The following LOC128092253 variants were observed in gnomAD, a reference collection of about 807,000 sequenced individuals.
the LOC128092253 span, among the ~76,000 whole-genome samples, chr6:133,960,545 A>G: frequency 6.6e-6 from 1 of 151,918 alleles, no homozygotes; most frequent in Non-Finnish European, 1.5e-5. Context: ...TTGTCTGTAC[A>G]TTTAGAATGC....
At chr6:133,963,973 G>A in the LOC128092253 span, among the ~76,000 whole-genome samples, 9 of 152,178 alleles carry the variant, frequency 5.9e-5, no homozygotes, top group African/African-American at 1.9e-4. Context: ...CCTGGGAGGC[G>A]GAGGTTGCAA....
chr6:133,954,797 G>A, the LOC128092253 span, among the ~76,000 whole-genome samples: 2 of 151,948 alleles, frequency 1.3e-5, no homozygotes, highest in African/African-American at 4.8e-5. Context: ...TCCTCTTTAC[G>A]TACCCTCTGC....
chr6:133,957,225 G>A, the LOC128092253 span, among the ~76,000 whole-genome samples: 5 of 152,160 alleles, frequency 3.3e-5, no homozygotes, highest in Non-Finnish European at 7.3e-5. Context: ...CTTTGTGTGG[G>A]AGTCAATAAT....
chr6:133,979,722 C>T, the LOC128092253 span, among the ~76,000 whole-genome samples: 1 of 152,170 alleles, frequency 6.6e-6, no homozygotes, highest in East Asian at 1.9e-4. Flanking sequence ...TCTCGGCTCA[C>T]TGCAACCTCC....
At chr6:133,961,867 A>G in the LOC128092253 span, among the ~76,000 whole-genome samples, 1 of 152,138 alleles carries the variant, frequency 6.6e-6, no homozygotes, top group East Asian at 1.9e-4. Flanking sequence ...CATAGATCAC[A>G]TTCTCTTGAT....
At chr6:133,969,613 T>C in the LOC128092253 span, among the ~76,000 whole-genome samples, 3 of 152,218 alleles carry the variant, frequency 2.0e-5, no homozygotes, top group East Asian at 5.8e-4. Flanking sequence ...TTCAAGGTTT[T>C]TTATGGCCAG....
the LOC128092253 span, among the ~76,000 whole-genome samples, chr6:133,958,233 A>G: frequency 6.6e-6 from 1 of 152,220 alleles, no homozygotes; most frequent in Non-Finnish European, 1.5e-5. Flanking sequence ...AATAAAAGGA[A>G]TAAACCCCAA....
the LOC128092253 span, among the ~76,000 whole-genome samples, chr6:133,975,887 A>G: frequency 1.3e-5 from 2 of 152,170 alleles, no homozygotes; most frequent in Non-Finnish European, 2.9e-5. Context: ...GTAGATGTTC[A>G]TTGTGTTCTT....
chr6:133,974,303 G>A, the LOC128092253 span, among the ~76,000 whole-genome samples: 1 of 151,972 alleles, frequency 6.6e-6, no homozygotes, highest in South Asian at 2.1e-4. Flanking sequence ...AAATAAAATT[G>A]CCATATATCA....
chr6:133,969,521 A>AC, the LOC128092253 span, among the ~76,000 whole-genome samples: 108 of 152,288 alleles, frequency 7.1e-4, no homozygotes, highest in African/African-American at 2.4e-3. Context: ...TGCTTTTTGT[A>AC]CATCAAATAC....
chr6:133,974,840 A>G, the LOC128092253 span, among the ~76,000 whole-genome samples: 2 of 152,182 alleles, frequency 1.3e-5, no homozygotes, highest in African/African-American at 4.8e-5. Flanking sequence ...CATTTCCTCA[A>G]TTACTAGTAA....
At chr6:133,970,536 T>C in the LOC128092253 span, among the ~76,000 whole-genome samples, 2 of 152,136 alleles carry the variant, frequency 1.3e-5, no homozygotes, top group Non-Finnish European at 2.9e-5. Flanking sequence ...ATGGAAACTT[T>C]TAGGCAGAAA....
chr6:133,973,662 G>A, the LOC128092253 span, among the ~76,000 whole-genome samples: 576 of 152,308 alleles, frequency 3.8e-3, 2 homozygotes, highest in African/African-American at 0.013. Flanking sequence ...CAAAAATACA[G>A]ATGATGTGTT....
the LOC128092253 span, among the ~76,000 whole-genome samples, chr6:133,975,111 A>C: frequency 6.6e-6 from 1 of 152,170 alleles, no homozygotes; most frequent in African/African-American, 2.4e-5. Flanking sequence ...TGGGCAAAAA[A>C]TTCACTAGAG....
chr6:133,980,053 T>G, the LOC128092253 span: 1 of 1,371,574 alleles, frequency 7.3e-7, no homozygotes, highest in Admixed American at 2.9e-5. Flanking sequence ...CATTTAAGTT[T>G]AATGACTTTA....
At chr6:133,968,570 G>C in the LOC128092253 span, among the ~76,000 whole-genome samples, 28 of 152,274 alleles carry the variant, frequency 1.8e-4, no homozygotes, top group African/African-American at 6.5e-4. Flanking sequence ...GAGGTAAATG[G>C]TATTGTGTTT....
the LOC128092253 span, among the ~76,000 whole-genome samples, chr6:133,958,036 CTTT>C: frequency 6.6e-6 from 1 of 152,114 alleles, no homozygotes; most frequent in Non-Finnish European, 1.5e-5. Context: ...GGGGGAAGTA[CTTT>C]TTTTAAGTTT....
At chr6:133,959,859 A>G in the LOC128092253 span, among the ~76,000 whole-genome samples, 2 of 152,208 alleles carry the variant, frequency 1.3e-5, no homozygotes, top group Non-Finnish European at 2.9e-5. Context: ...AATAAAGTCA[A>G]TGTGTAACCC....
the LOC128092253 span, among the ~76,000 whole-genome samples, chr6:133,969,496 A>T: frequency 4.6e-5 from 7 of 152,194 alleles, no homozygotes. Context: ...CTTTCTGTTT[A>T]ACTGAATGTA....
Sources: allele counts gnomAD v4.1 joint callset (sites outside exome capture counted in the v4.1 genomes callset), GRCh38; gene constraint gnomAD v4.1.1; transcripts MANE v1.5.